The following PRTN3 variants were observed in gnomAD, a reference collection of about 807,000 sequenced individuals.
PRTN3 encodes the protein proteinase 3.
Under a neutral mutation model 20.7 loss-of-function variants are expected in PRTN3, and 22 were observed. That is an observed-to-expected ratio of 1.06 (90% CI 0.76 to 1.52). The LOEUF (loss-of-function observed/expected upper bound fraction) is 1.52, where lower values mean the gene tolerates loss of function less well. PRTN3 is among the 40% of genes most tolerant of loss of function. The pLI is 0.00. For synonymous variants in PRTN3, 173 were observed against 152.9 expected (o/e 1.13, Z -0.97); for missense variants, 378 against 359.6 (o/e 1.05, Z -0.41).
Position 847,890 on chromosome 19 carries a change from ACTT to A in PRTN3, c.697_699del (p.Phe233del), listed in dbSNP as rs1342237179. The A allele has an allele frequency of 1.2e-6, 2 of 1,608,632 alleles. No homozygotes were observed. Among genetic ancestry groups the A allele is most frequent in the Non-Finnish European group, 1.7e-6 (2 of 1,177,420 alleles). ...GGATGTGCCACCCGCCTTTTCCCTGACTTCTTCACGCGGGTAGCCCTCTACGTG... is the reference window on the plus strand; with the variant it reads ...GGATGTGCCACCCGCCTTTTCCCTGACTTCACGCGGGTAGCCCTCTACGTG... On this transcript the variant is annotated inframe_deletion, in exon 5 of 5. Coordinates refer to ENST00000234347, the MANE Select transcript of PRTN3 (RefSeq NM_002777.4).
At chr19:844,177 G>A in intron 3 of PRTN3, 143 bp downstream of exon 3, 1 of 1,146,326 alleles carries the variant, frequency 8.7e-7, no homozygotes, top group South Asian at 1.6e-5. Context: ...AGTGGCACTG[G>A]CCGGGGGAGA....
intron 4 of PRTN3, among the ~76,000 whole-genome samples, chr19:847,511 A>G (rs896897960): frequency 1.7e-4 from 25 of 150,228 alleles, no homozygotes; most frequent in South Asian, 4.2e-4. Flanking sequence ...AGAAAGAAGA[A>G]AGAAAGAAAA....
intron 1 of PRTN3, 25 bp from the exon 2 acceptor site, chr19:843,436 T>C (rs1001960501): frequency 2.6e-6 from 4 of 1,527,528 alleles, no homozygotes; most frequent in Non-Finnish European, 3.5e-6. Context: ...GGGGGCTCCC[T>C]GACGCCTGGA....
rs764122589 is a variant in PRTN3 at position 847,555 on chromosome 19, A to AAGAAAGAG, written c.601-241_601-240insAAGAGAGA. Reference sequence around the variant, plus strand: ...AGAAAGAAAGAAAGAAAGAAAAAGAAAGAGAGAGAGAGAGAGAGAGAGAGA... The same window carrying AAGAAAGAG: ...AGAAAGAAAGAAAGAAAGAAAAAGAAAGAAAGAGAGAGAGAGAGAGAGAGAGAGAGAGA... On this transcript the variant is annotated intron_variant, in intron 4 of 4. Coordinates refer to ENST00000234347, the MANE Select transcript of PRTN3 (RefSeq NM_002777.4). 2.4e-3 allele frequency among the ~76,000 whole-genome samples: 279 copies of AAGAAAGAG among 115,900 alleles called. 1 individual carries two copies. The highest frequency in any genetic ancestry group is 8.9e-3 in the African/African-American group (240 of 26,890). The allele number at this position is 115,900 out of a possible 152,430, so 76.0% of individuals were successfully genotyped here. A position where few individuals can be genotyped will look rare whatever the true frequency, so the allele number is the denominator to read the frequency against.
At position 841,020 on chromosome 19, in the gene PRTN3, G is replaced by A. The variant is rs1568298018; in HGVS notation, c.12G>A (p.Arg4=). The change falls in exon 1 of 5, where the codon CGG becomes CGA. Residue 4 remains arginine (R), a synonymous_variant. Coordinates refer to ENST00000234347, the MANE Select transcript of PRTN3 (RefSeq NM_002777.4). ...CCCTGGACCCCACCATGGCTCACCGGCCCCCCAGCCCTGCCCTGGCGTCCG... is the reference window on the plus strand; with the variant it reads ...CCCTGGACCCCACCATGGCTCACCGACCCCCCAGCCCTGCCCTGGCGTCCG... MAH[R]PPSPALASVL... 1 of 1,608,840 alleles carries A rather than the reference G, an allele frequency of 6.2e-7. No individual in the cohort carries two copies. The highest frequency in any genetic ancestry group is 1.1e-5 in the South Asian group (1 of 90,784).
At position 847,822 on chromosome 19, in the gene PRTN3, C is replaced by A; in HGVS notation, c.624C>A (p.Ile208=). The change falls in exon 5 of 5, where the codon ATC becomes ATA. Residue 208 remains isoleucine, a synonymous_variant. Coordinates refer to ENST00000234347, the MANE Select transcript of PRTN3 (RefSeq NM_002777.4). ...AGGGAGACTCAGGTGGCCCCCTGAT[C>A]TGTGATGGCATCATCCAAGGAATAG... is the stretch of plus-strand genomic sequence containing the variant. ...ICFGDSGGPL[I]CDGIIQGIDS... 6.2e-7 allele frequency: 1 copy of A among 1,609,152 alleles called. No individual in the cohort carries two copies. The highest frequency in any genetic ancestry group is 8.5e-7 in the Non-Finnish European group (1 of 1,177,590).
chr19:847,696 TC>T (rs917841333), intron 4 of PRTN3, 102 bp from the exon 5 acceptor site: 1 of 1,408,874 alleles, frequency 7.1e-7, no homozygotes, highest in African/African-American at 1.4e-5. Context: ...GTCCCCATCC[TC>T]CCGGGAGACT....
chr19:843,018 G>A (rs565728984), intron 1 of PRTN3, among the ~76,000 whole-genome samples: 10 of 152,252 alleles, frequency 6.6e-5, no homozygotes, highest in African/African-American at 2.2e-4. Flanking sequence ...GGGCTCAAGC[G>A]ATCCTCCCTC....
At chr19:846,987 G>C (rs767084819) in intron 4 of PRTN3, among the ~76,000 whole-genome samples, 1 of 152,034 alleles carries the variant, frequency 6.6e-6, no homozygotes, top group Non-Finnish European at 1.5e-5. Context: ...ATCAAGTGAT[G>C]CCTGGCTGGT....
intron 4 of PRTN3, among the ~76,000 whole-genome samples, chr19:847,458 A>G (rs1373298329): frequency 6.6e-6 from 1 of 151,972 alleles, no homozygotes; most frequent in East Asian, 1.9e-4. Context: ...AAACAAAACA[A>G]AACAAAACAA....
intron 1 of PRTN3, among the ~76,000 whole-genome samples, chr19:841,436 G>A (rs1568298207): frequency 1.3e-5 from 2 of 151,912 alleles, no homozygotes; most frequent in Admixed American, 6.6e-5. Context: ...GAGTGAGTGA[G>A]TGAATGAGTG....
intron 4 of PRTN3, 65 bp from the exon 5 acceptor site, chr19:847,734 C>T (rs1457859294): frequency 1.4e-5 from 21 of 1,519,126 alleles, no homozygotes; most frequent in Non-Finnish European, 1.7e-5. Context: ...GGTGACTGGC[C>T]GTCCCCATCC....
intron 1 of PRTN3, 159 bp from the exon 2 acceptor site, chr19:843,302 C>A (rs572376120): frequency 2.9e-6 from 2 of 687,760 alleles, no homozygotes; most frequent in East Asian, 3.0e-5. Flanking sequence ...TAATTATAAC[C>A]CCCCCGGCCT....
chr19:843,223 C>G, intron 1 of PRTN3: 1 of 544,074 alleles, frequency 1.8e-6, no homozygotes, highest in African/African-American at 2.0e-5. Context: ...GCCACCTGGT[C>G]TGCGTCTTAA....
intron 1 of PRTN3, among the ~76,000 whole-genome samples, chr19:842,399 C>A (rs2070519918): frequency 7.3e-6 from 1 of 137,514 alleles, no homozygotes; most frequent in African/African-American, 2.9e-5. Context: ...CAGGCATGAG[C>A]CACTGCGCCC....
intron 4 of PRTN3, 75 bp from the exon 5 acceptor site, chr19:847,724 G>A: frequency 1.3e-6 from 2 of 1,501,158 alleles, no homozygotes; most frequent in South Asian, 1.3e-5. Flanking sequence ...GCCCCTGATG[G>A]GTGACTGGCC....
intron 3 of PRTN3, 27 bp from the exon 4 acceptor site, chr19:846,119 TC>T (rs770449373): frequency 3.6e-6 from 5 of 1,381,440 alleles, no homozygotes; most frequent in Non-Finnish European, 4.7e-6. Flanking sequence ...GGAAGCAGCG[TC>T]TCACCGCCGC....
rs765476292 is a variant in PRTN3 at position 847,877 on chromosome 19, C to G, written c.679C>G (p.Arg227Gly). The G allele has an allele frequency of 5.0e-6, 8 of 1,607,910 alleles. No individual in the cohort carries two copies. The highest frequency in any genetic ancestry group is 6.8e-6 in the Non-Finnish European group (8 of 1,176,946). The change falls in exon 5 of 5, where the codon CGC becomes GGC. Residue 227 changes from arginine to glycine, a missense_variant. By Grantham distance (125) the Arg-to-Gly change is moderately radical (BLOSUM62 -2). Coordinates refer to ENST00000234347, the MANE Select transcript of PRTN3 (RefSeq NM_002777.4). Reference sequence around the variant, plus strand: ...CTTCGTGATCTGGGGATGTGCCACCCGCCTTTTCCCTGACTTCTTCACGCG... The same window carrying G: ...CTTCGTGATCTGGGGATGTGCCACCGGCCTTTTCCCTGACTTCTTCACGCG... Reference protein sequence around the residue: ...DSFVIWGCATRLFPDFFTRVA... With the variant: ...DSFVIWGCATGLFPDFFTRVA...
chr19:843,751 G>A (rs2035476439), intron 2 of PRTN3, 125 bp downstream of exon 2: 12 of 1,448,782 alleles, frequency 8.3e-6, no homozygotes, highest in South Asian at 1.4e-5. Flanking sequence ...CAGGCCCCGC[G>A]CGCGTGGGCA....
Sources: gnomAD v4.1 joint callset for allele counts (sites outside exome capture counted in the v4.1 genomes callset) on GRCh38, gnomAD v4.1.1 for gene constraint, MANE v1.5 for transcripts, NCBI Gene and HGNC (gene_info 2026-07-23, HGNC 2026-07-21) for gene names.